The following NMNAT3 variants were observed in gnomAD, a reference collection of about 807,000 sequenced individuals.
The protein encoded by NMNAT3 is nicotinamide nucleotide adenylyltransferase 3.
Under a neutral mutation model 24.8 loss-of-function variants are expected in NMNAT3, and 21 were observed. That is an observed-to-expected ratio of 0.85 (90% CI 0.60 to 1.22). NMNAT3 has a LOEUF of 1.22. NMNAT3 is among the 50% of genes most tolerant of loss of function. The pLI, the probability that NMNAT3 is intolerant of heterozygous loss-of-function variation, is 0.00. For synonymous variants in NMNAT3, 136 were observed against 155.2 expected (o/e 0.88, Z 0.92); for missense variants, 387 against 436.6 (o/e 0.89, Z 1.01).
chr3:139,626,628 T>C lies in NMNAT3; in HGVS notation c.109+988A>G, dbSNP rs147637425. 1.6e-3 allele frequency among the ~76,000 whole-genome samples: 248 copies of C among 152,272 alleles called. 2 individuals are homozygous for C. The highest frequency in any genetic ancestry group is 7.1e-4 in the Non-Finnish European group (48 of 67,986). On this transcript the variant is annotated intron_variant, in intron 3 of 6. Coordinates refer to ENST00000643695, the MANE Select transcript of NMNAT3 (RefSeq NM_001320510.2). ...ATGGGTAGAGACTTTAAATCTTTTG[T>C]CACAGAACACCAAATTGTCCTCAAA...
chr3:139,576,040 T>C (rs1014942662), intron 5 of NMNAT3: 74 of 1,288,572 alleles, frequency 5.7e-5, no homozygotes, highest in Non-Finnish European at 7.1e-5. Flanking sequence ...AAGAACAAAC[T>C]ATCTTATAGG....
At chr3:139,620,128 A>G (rs970022643) in intron 3 of NMNAT3, among the ~76,000 whole-genome samples, 2 of 146,934 alleles carry the variant, frequency 1.4e-5, no homozygotes, top group African/African-American at 5.0e-5. Flanking sequence ...TTCTCTTACT[A>G]TTTATTTGTT....
intron 3 of NMNAT3, among the ~76,000 whole-genome samples, chr3:139,591,261 C>G (rs542102849): frequency 6.6e-6 from 1 of 151,706 alleles, no homozygotes; most frequent in Admixed American, 6.6e-5. Flanking sequence ...CTTTTCAGAC[C>G]GGCTTAAGAA....
rs1559891162 is a variant in NMNAT3, at chr3:139,596,949, TATATATATATATATA to T, written c.110-13756_110-13742del. On this transcript the variant is annotated intron_variant, in intron 3 of 6. Transcript: ENST00000643695. ...ATATATATATATATATATATATATA[TATATATATATATATA>T]TTTTTATTACATTGCATTACAACCA... Among the ~76,000 whole-genome samples, 216 of 116,622 alleles carry T rather than the reference TATATATATATATATA, an allele frequency of 1.9e-3. 5 individuals are homozygous for T. The highest frequency in any genetic ancestry group is 7.6e-3 in the Middle Eastern group (2 of 262). 76.5% of individuals were successfully genotyped at this position (116,622 alleles called of 152,430 possible).
chr3:139,647,006 AC>A (rs769639174), intron 1 of NMNAT3, among the ~76,000 whole-genome samples: 4 of 152,232 alleles, frequency 2.6e-5, no homozygotes, highest in Non-Finnish European at 5.9e-5. Flanking sequence ...ACCTGTATGC[AC>A]ATCTGGGAAG....
chr3:139,662,956 C>T (rs556419504), intron 1 of NMNAT3, among the ~76,000 whole-genome samples: 49 of 152,262 alleles, frequency 3.2e-4, no homozygotes, highest in South Asian at 6.2e-4. Context: ...GAGGGAGGTA[C>T]GACTATTCCC....
Position 139,578,975 on chromosome 3 carries a change from G to A in NMNAT3, c.472C>T (p.Arg158Ter), listed in dbSNP as rs201923390. The change falls in exon 5 of 7, where the codon CGA becomes TGA. Residue 158 changes from arginine to a stop codon, truncating the protein, a stop_gained. Coordinates refer to ENST00000643695, the MANE Select transcript of NMNAT3 (RefSeq NM_001320510.2). LOFTEE classifies it high-confidence loss of function. Reference sequence around the variant, plus strand: ...AGGGCCAGCCGGGCCATGGCCACTCGGTGATGAGAAGCTGCGAGGTCTTTC... The same window carrying A: ...AGGGCCAGCCGGGCCATGGCCACTCAGTGATGAGAAGCTGCGAGGTCTTTC... 10 of 1,614,078 alleles carry A rather than the reference G, an allele frequency of 6.2e-6. No homozygotes were observed. Among genetic ancestry groups the A allele is most frequent in the African/African-American group, 2.7e-5 (2 of 74,922 alleles).
chr3:139,583,853 C>T (rs1416691508), intron 3 of NMNAT3, among the ~76,000 whole-genome samples: 4 of 152,252 alleles, frequency 2.6e-5, no homozygotes, highest in African/African-American at 9.6e-5. Context: ...AGCCACGCGA[C>T]GGGCTGTGAT....
chr3:139,607,651 A>G (rs904966375), intron 3 of NMNAT3, among the ~76,000 whole-genome samples: 2 of 45,500 alleles, frequency 4.4e-5, no homozygotes, highest in African/African-American at 9.5e-5. Flanking sequence ...ATTGGCTTTC[A>G]TTGTATATTT....
At chr3:139,593,181 C>A (rs370851396) in intron 3 of NMNAT3, among the ~76,000 whole-genome samples, 1 of 151,972 alleles carries the variant, frequency 6.6e-6, no homozygotes, top group East Asian at 1.9e-4. Flanking sequence ...TAGTCTCTGA[C>A]AAAACAGACT....
intron 3 of NMNAT3, among the ~76,000 whole-genome samples, chr3:139,621,349 G>C (rs1469884524): frequency 6.6e-6 from 1 of 152,046 alleles, no homozygotes; most frequent in African/African-American, 2.4e-5. Context: ...TCAAATATTT[G>C]GCCCAGTTTT....
chr3:139,609,286 T>C (rs1381552621), intron 3 of NMNAT3, among the ~76,000 whole-genome samples: 1 of 152,188 alleles, frequency 6.6e-6, no homozygotes, highest in Non-Finnish European at 1.5e-5. Context: ...GGCAATTGCA[T>C]GTTTAGTTTT....
At chr3:139,662,867 T>C (rs2057461349) in intron 1 of NMNAT3, among the ~76,000 whole-genome samples, 2 of 152,212 alleles carry the variant, frequency 1.3e-5, no homozygotes, top group African/African-American at 2.4e-5. Flanking sequence ...TTACTCTTTA[T>C]GAAGCATCTA....
chr3:139,620,037 AATCAGGATTCAG>A (rs2055689922), intron 3 of NMNAT3, among the ~76,000 whole-genome samples: 1 of 152,174 alleles, frequency 6.6e-6, no homozygotes, highest in Non-Finnish European at 1.5e-5. Context: ...GATTTGTTTG[AATCAGGATTCAG>A]ATAAGGTCCA....
At chr3:139,573,284 CAG>C (rs1194178839) in intron 6 of NMNAT3, among the ~76,000 whole-genome samples, 2 of 152,226 alleles carry the variant, frequency 1.3e-5, no homozygotes, top group Non-Finnish European at 2.9e-5. Flanking sequence ...AGAAACCCAG[CAG>C]CACTCATCAG....
intron 6 of NMNAT3, among the ~76,000 whole-genome samples, chr3:139,564,639 G>A (rs188971443): frequency 1.4e-4 from 22 of 152,322 alleles, no homozygotes; most frequent in Non-Finnish European, 3.1e-4. Context: ...GCAAAGCAAG[G>A]CTCTGGCAGC....
At chr3:139,562,326 GA>G (rs1253006826) in intron 6 of NMNAT3, among the ~76,000 whole-genome samples, 1 of 152,180 alleles carries the variant, frequency 6.6e-6, no homozygotes, top group African/African-American at 2.4e-5. Flanking sequence ...TTATACTGGA[GA>G]AGCCCTTCCT....
chr3:139,649,449 T>A (rs145243807), intron 1 of NMNAT3, among the ~76,000 whole-genome samples: 1 of 152,310 alleles, frequency 6.6e-6, no homozygotes, highest in Admixed American at 6.5e-5. Context: ...CTGAGGCAAG[T>A]GCGTCTTTTG....
chr3:139,648,596 G>A (rs1425474966), intron 1 of NMNAT3, among the ~76,000 whole-genome samples: 3 of 152,234 alleles, frequency 2.0e-5, no homozygotes, highest in African/African-American at 7.2e-5. Flanking sequence ...CGATAGGGAT[G>A]TGTAGGCATG....
Sources: allele counts gnomAD v4.1 joint callset (sites outside exome capture counted in the v4.1 genomes callset), GRCh38; gene constraint gnomAD v4.1.1; transcripts MANE v1.5; gene names NCBI Gene and HGNC (gene_info 2026-07-23, HGNC 2026-07-21).